The following PAK4 variants were observed in gnomAD, a reference collection of about 807,000 sequenced individuals.
PAK4 encodes p21 (RAC1) activated kinase 4.
A neutral mutation model predicts 53.5 loss-of-function variants in PAK4; 49 were observed. That is an observed-to-expected ratio of 0.92 (90% CI 0.73 to 1.16). PAK4 has a LOEUF of 1.16. PAK4 is among the 50% of genes most tolerant of loss of function. The pLI, the probability that PAK4 is intolerant of heterozygous loss-of-function variation, is 0.00. For synonymous variants in PAK4, 376 were observed against 375.6 expected, an observed-to-expected ratio of 1.00 and a Z score of -0.01; for missense variants, 824 against 850.7, an observed-to-expected ratio of 0.97 and a Z score of 0.39.
chr19:39,168,287 A>C (rs1358160572), intron 1 of PAK4: 1 of 152,098 alleles, frequency 6.6e-6, no homozygotes, highest in African/African-American at 2.4e-5. Flanking sequence ...CTTCTGTCCC[A>C]CCAGCATCAG....
intron 1 of PAK4, among the ~76,000 whole-genome samples, chr19:39,137,504 G>A (rs1201170792): frequency 6.6e-6 from 1 of 152,112 alleles, no homozygotes; most frequent in African/African-American, 2.4e-5. Flanking sequence ...TGGGAGGTGA[G>A]GGGGGCACCA....
At chr19:39,127,590 A>G (rs974372302) in intron 1 of PAK4, among the ~76,000 whole-genome samples, 1 of 151,986 alleles carries the variant, frequency 6.6e-6, no homozygotes, top group Non-Finnish European at 1.5e-5. Context: ...CTGGGGGTTG[A>G]CTGTTGGGCA....
chr19:39,173,976 G>T lies in PAK4; in HGVS notation c.1064G>T (p.Arg355Leu). ...GTGGCCGTCAAGAAGATGGACCTGC[G>T]CAAGCAGCAGAGGCGCGAGCTGCTC... The change falls in exon 4 of 9, where the codon CGC (arginine) becomes CTC (leucine). Residue 355 changes from arginine to leucine, a missense_variant. Transcript: ENST00000358301. The surrounding 1 kb of genome is among the most constrained non-coding windows in gnomAD (Gnocchi z 6.9). The T allele has an allele frequency of 1.2e-6, 2 of 1,607,382 alleles. No homozygotes were observed. The highest frequency in any genetic ancestry group is 2.2e-5 in the South Asian group (2 of 90,584).
intron 1 of PAK4, among the ~76,000 whole-genome samples, chr19:39,128,668 G>A (rs1264009140): frequency 1.3e-5 from 2 of 152,138 alleles, no homozygotes; most frequent in Non-Finnish European, 2.9e-5. Flanking sequence ...GTCTGGCCTG[G>A]GACAGAACAC....
At position 39,161,213 on chromosome 19, in the gene PAK4, A is replaced by G. The variant is rs565206894; in HGVS notation, c.-22-8319A>G. ...CTGTAGGCACTGAAATGCAGCCATC[A>G]TGAACCAAAACGCGGTCCCTGTCCA... On this transcript the variant is annotated intron_variant, in intron 1 of 8. Coordinates refer to ENST00000358301, the Ensembl canonical transcript of PAK4. The surrounding 1 kb of genome is among the most constrained non-coding windows in gnomAD (Gnocchi z 4.5). Among the ~76,000 whole-genome samples the G allele has an allele frequency of 3.7e-4, 57 of 152,238 alleles. No individual in the cohort carries two copies. Among genetic ancestry groups the G allele is most frequent in the Non-Finnish European group, 7.1e-4 (48 of 68,032 alleles).
chr19:39,133,029 AC>A (rs923624129), intron 1 of PAK4, among the ~76,000 whole-genome samples: 1 of 152,224 alleles, frequency 6.6e-6, no homozygotes, highest in Admixed American at 6.5e-5. Flanking sequence ...CACAGCAAAT[AC>A]GTGGCAGATG....
chr19:39,160,082 G>A (rs971674345), intron 1 of PAK4, among the ~76,000 whole-genome samples: 1 of 152,196 alleles, frequency 6.6e-6, no homozygotes, highest in Non-Finnish European at 1.5e-5. Flanking sequence ...TCACAGTGGG[G>A]GTACCTTTTG....
rs2074528829 is a variant in PAK4 at position 39,173,392 on chromosome 19, C to T, written c.663+16C>T. On this transcript the variant is annotated intron_variant, in intron 3 of 8. Coordinates refer to ENST00000358301, the Ensembl canonical transcript of PAK4. The surrounding 1 kb of genome is among the most constrained non-coding windows in gnomAD (Gnocchi z 6.9). ...GGGTGCCCAGGTAACCCATCCCCCG[C>T]CCCAGGGCCCCCACTGTCCCCTGCC... 6.7e-7 allele frequency: 1 copy of T among 1,497,462 alleles called. No individual in the cohort carries two copies. Among genetic ancestry groups the T allele is most frequent in the Non-Finnish European group, 8.9e-7 (1 of 1,119,378 alleles). The allele number at this position is 1,497,462 out of a possible 1,614,324, so 92.8% of individuals were successfully genotyped here.
intron 1 of PAK4, among the ~76,000 whole-genome samples, chr19:39,130,145 A>AAGGGGCAGGGCGGGATGTGGG (rs2073674913): frequency 1.4e-5 from 1 of 71,618 alleles, no homozygotes. Context: ...ACCCAGGCAG[A>AAGGGGCAGGGCGGGATGTGGG]GGGGTCAGGG....
Position 39,175,573 on chromosome 19 carries a change from C to A in PAK4, c.1359+135C>A. The A allele has an allele frequency of 2.1e-6, 2 of 975,338 alleles. No homozygotes were observed. Among genetic ancestry groups the A allele is most frequent in the Non-Finnish European group, 3.0e-6 (2 of 664,908 alleles). 60.4% of individuals were successfully genotyped at this position (975,338 alleles called of 1,614,324 possible). A position where few individuals can be genotyped will look rare whatever the true frequency, so the allele number is the denominator to read the frequency against. Reference sequence around the variant, plus strand: ...GTCTTGAGGAGCTGGGAACTTCGTCCCTCCCTGGTGGAGCAGCCCAGAGTC... The same window carrying A: ...GTCTTGAGGAGCTGGGAACTTCGTCACTCCCTGGTGGAGCAGCCCAGAGTC... On this transcript the variant is annotated intron_variant, in intron 6 of 8. Transcript: ENST00000358301. This position sits in a 1 kb window ranked among gnomAD's most constrained non-coding sequence, Gnocchi z 4.7.
At chr19:39,156,307 A>T (rs146599109) in intron 1 of PAK4, among the ~76,000 whole-genome samples, 2 of 137,116 alleles carry the variant, frequency 1.5e-5, no homozygotes, top group Non-Finnish European at 3.1e-5. Context: ...TCTATCCTGC[A>T]CCTAGTGGCC....
At chr19:39,149,461 A>G (rs897343034) in intron 1 of PAK4, among the ~76,000 whole-genome samples, 2 of 152,194 alleles carry the variant, frequency 1.3e-5, no homozygotes, top group Non-Finnish European at 2.9e-5. Flanking sequence ...AGAGACAGAA[A>G]GCATGCATGG....
At chr19:39,166,041 A>G (rs2074370274) in intron 1 of PAK4, among the ~76,000 whole-genome samples, 1 of 152,352 alleles carries the variant, frequency 6.6e-6, no homozygotes, top group South Asian at 2.1e-4. Context: ...GCTGGCTGCT[A>G]TTGGAATGGT....
At chr19:39,136,201 T>G (rs1319600313) in intron 1 of PAK4, among the ~76,000 whole-genome samples, 1 of 145,820 alleles carries the variant, frequency 6.9e-6, no homozygotes, top group East Asian at 2.1e-4. Context: ...CCTGGACCAT[T>G]GAGGCGTGCT....
intron 1 of PAK4, among the ~76,000 whole-genome samples, chr19:39,146,420 G>A (rs1158965987): frequency 6.6e-6 from 1 of 152,238 alleles, no homozygotes; most frequent in Admixed American, 6.5e-5. Flanking sequence ...GTCCCAAGGA[G>A]AGCAAATAGC....
intron 1 of PAK4, among the ~76,000 whole-genome samples, chr19:39,141,799 C>A (rs1297969413): frequency 6.6e-6 from 1 of 152,140 alleles, no homozygotes; most frequent in East Asian, 1.9e-4. Context: ...CCACGCCTGG[C>A]TAAGTTTTGT....
At chr19:39,139,143 T>C (rs986315578) in intron 1 of PAK4, among the ~76,000 whole-genome samples, 4 of 152,196 alleles carry the variant, frequency 2.6e-5, no homozygotes, top group Non-Finnish European at 5.9e-5. Context: ...CACCCCAGCC[T>C]CGCTGGCCTT....
At chr19:39,159,301 C>T (rs1332070908) in intron 1 of PAK4, among the ~76,000 whole-genome samples, 1 of 152,180 alleles carries the variant, frequency 6.6e-6, no homozygotes, top group African/African-American at 2.4e-5. Context: ...GCTGCCCGTT[C>T]ATTGCAGGAG....
rs185145094 is a variant in PAK4, at chr19:39,159,992, A to T, written c.-22-9540A>T. 2.0e-5 allele frequency among the ~76,000 whole-genome samples: 3 copies of T among 152,292 alleles called. No individual in the cohort carries two copies. In the East Asian group the frequency reaches 5.8e-4, roughly 29 times the overall value. ...CCCATGTGATTTGGCTTTTGCCAGG[A>T]TACGCTGCCACTTCCTGAGATTCCC... On this transcript the variant is annotated intron_variant, in intron 1 of 8. Coordinates refer to ENST00000358301, the Ensembl canonical transcript of PAK4.
Sources: allele counts gnomAD v4.1 joint callset (sites outside exome capture counted in the v4.1 genomes callset), GRCh38; gene constraint gnomAD v4.1.1; non-coding constraint Gnocchi (gnomAD v3.1); transcripts MANE v1.5; gene names NCBI Gene and HGNC (gene_info 2026-07-23, HGNC 2026-07-21).